The following RBFOX1 variants were observed in gnomAD, a reference collection of about 807,000 sequenced individuals.
The protein encoded by RBFOX1 is RNA binding fox-1 homolog 1.
A neutral mutation model predicts 57.7 loss-of-function variants in RBFOX1; 8 were observed. The observed-to-expected ratio is 0.14, with a 90% CI of 0.08 to 0.25. The LOEUF (loss-of-function observed/expected upper bound fraction) is 0.25, where lower values mean the gene tolerates loss of function less well. RBFOX1 is among the 10% of genes least tolerant of loss of function. The pLI, the probability that RBFOX1 is intolerant of heterozygous loss-of-function variation, is 1.00. For missense variants in RBFOX1, 611 were observed against 548.5 expected, an observed-to-expected ratio of 1.11 and a Z score of -1.14; for synonymous variants, 326 against 222.4, an observed-to-expected ratio of 1.47 and a Z score of -4.15.
chr16:7,097,273 G>A (rs1184189078), intron 4 of RBFOX1, among the ~76,000 whole-genome samples: 2 of 152,208 alleles, frequency 1.3e-5, no homozygotes, highest in East Asian at 3.9e-4. Flanking sequence ...TGTGTACGTG[G>A]AAATTCCAGG....
At chr16:6,927,009 C>G (rs190199666) in intron 3 of RBFOX1, among the ~76,000 whole-genome samples, 494 of 152,250 alleles carry the variant, frequency 3.2e-3, no homozygotes, top group African/African-American at 0.011. Context: ...GCAATTGCTA[C>G]TCAACCAGCG....
In RBFOX1 at chr16:6,019,604, A is replaced by C; in HGVS notation, c.-515A>C. ...CGCCTCCGGGGCTGAAGAAGGAAGG[A>C]GTGAGCCGAGCCGAGCACCCCACAT... On this transcript the variant is annotated 5_prime_UTR_variant, in exon 1 of 16. Coordinates refer to ENST00000550418, the MANE Select transcript of RBFOX1 (RefSeq NM_018723.4). This position sits in a 1 kb window ranked among gnomAD's most constrained non-coding sequence, Gnocchi z 4.2. 8.2e-7 allele frequency: 1 copy of C among 1,222,996 alleles called. No individual in the cohort carries two copies. Among genetic ancestry groups the C allele is most frequent in the Non-Finnish European group, 1.0e-6 (1 of 980,918 alleles). The allele number at this position is 1,222,996 out of a possible 1,614,324, so 75.8% of individuals were successfully genotyped here. A position where few individuals can be genotyped will look rare whatever the true frequency, so the allele number is the denominator to read the frequency against.
chr16:6,997,870 G>C (rs1047080861), intron 3 of RBFOX1, among the ~76,000 whole-genome samples: 1 of 152,026 alleles, frequency 6.6e-6, no homozygotes, highest in African/African-American at 2.4e-5. Flanking sequence ...CAGAACACCA[G>C]TTTAATTGTC....
At position 6,534,121 on chromosome 16, in the gene RBFOX1, A is replaced by G. The variant is rs538860627; in HGVS notation, c.-63-120482A>G. On this transcript the variant is annotated intron_variant, in intron 2 of 15. Transcript: ENST00000550418. ...GATGCTCATTGCATGTTTATTTGCA[A>G]TGGCAAAAGAAGAAAAAAGGGAAAT... is the stretch of plus-strand genomic sequence containing the variant. Among the ~76,000 whole-genome samples, 5 of 152,328 alleles carry G rather than the reference A, an allele frequency of 3.3e-5. No homozygotes were observed. The East Asian group carries it at 7.7e-4, about 23-fold the overall frequency.
intron 4 of RBFOX1, among the ~76,000 whole-genome samples, chr16:7,091,004 G>C (rs1273933967): frequency 6.6e-6 from 1 of 152,146 alleles, no homozygotes; most frequent in East Asian, 1.9e-4. Context: ...TAGGCAATTG[G>C]CACCTACTCA....
intron 2 of RBFOX1, among the ~76,000 whole-genome samples, chr16:6,452,028 A>T (rs1349502000): frequency 5.2e-5 from 7 of 135,806 alleles, no homozygotes; most frequent in East Asian, 2.3e-4. Flanking sequence ...GACTCCATCC[A>T]TGGCTCCTTC....
At chr16:7,585,434 C>G (rs2094054786) in intron 6 of RBFOX1, among the ~76,000 whole-genome samples, 1 of 152,164 alleles carries the variant, frequency 6.6e-6, no homozygotes, top group Non-Finnish European at 1.5e-5. Context: ...TGCATGCAAG[C>G]AATGTGACCC....
chr16:7,436,706 TC>T (rs1440594461), intron 4 of RBFOX1, among the ~76,000 whole-genome samples: 1 of 152,168 alleles, frequency 6.6e-6, no homozygotes, highest in African/African-American at 2.4e-5. Context: ...GTGTCTGACC[TC>T]CCATCTCAGT....
chr16:6,037,740 G>C (rs1006662867), intron 1 of RBFOX1: 1 of 151,974 alleles, frequency 6.6e-6, no homozygotes, highest in Non-Finnish European at 1.5e-5. Context: ...GACTACAGGT[G>C]CCCGCCACCA....
At chr16:6,656,187 C>T (rs957821495) in intron 3 of RBFOX1, among the ~76,000 whole-genome samples, 1 of 152,286 alleles carries the variant, frequency 6.6e-6, no homozygotes, top group East Asian at 1.9e-4. Flanking sequence ...TCTGCCCAGC[C>T]GAATCATTCC....
intron 12 of RBFOX1, among the ~76,000 whole-genome samples, chr16:7,662,055 G>A (rs1454008073): frequency 6.6e-6 from 1 of 152,140 alleles, no homozygotes; most frequent in Non-Finnish European, 1.5e-5. Context: ...TTCTTGGCCA[G>A]AGCTCAGCCT....
intron 1 of RBFOX1, among the ~76,000 whole-genome samples, chr16:6,133,618 C>T (rs921553104): frequency 1.3e-5 from 2 of 152,210 alleles, no homozygotes; most frequent in Non-Finnish European, 2.9e-5. Context: ...TCACTCCCTA[C>T]CTAAAACCCT....
At chr16:5,622,779 A>G (rs574697023) in intron 3 of RBFOX1, among the ~76,000 whole-genome samples, 19 of 152,304 alleles carry the variant, frequency 1.2e-4, no homozygotes, top group African/African-American at 4.3e-4. Flanking sequence ...TTGGCCCTCC[A>G]TATCTGGGGG....
chr16:6,815,587 A>C (rs777628466), intron 3 of RBFOX1, among the ~76,000 whole-genome samples: 3 of 152,208 alleles, frequency 2.0e-5, no homozygotes, highest in African/African-American at 4.8e-5. Flanking sequence ...TCCTCCCGTC[A>C]TTAATCTCAT....
intron 3 of RBFOX1, among the ~76,000 whole-genome samples, chr16:6,701,986 G>C (rs766416480): frequency 1.3e-5 from 2 of 152,084 alleles, no homozygotes; most frequent in Admixed American, 1.3e-4. Context: ...AAAACTACCT[G>C]TTGGGTACTA....
In RBFOX1 at chr16:7,051,371, A is replaced by G. The variant is rs546339414; in HGVS notation, c.-15-686A>G. ...GATAATAAATTATATGGCCACTCCAAAGAAGCGTCCTTGGACATTAAGTAA... is the reference window on the plus strand; with the variant it reads ...GATAATAAATTATATGGCCACTCCAGAGAAGCGTCCTTGGACATTAAGTAA... On this transcript the variant is annotated intron_variant, in intron 3 of 15. Coordinates refer to ENST00000550418, the MANE Select transcript of RBFOX1 (RefSeq NM_018723.4). Among the ~76,000 whole-genome samples, 454 of 152,342 alleles carry G rather than the reference A, an allele frequency of 3.0e-3. 3 individuals are homozygous for G. The highest frequency in any genetic ancestry group is 5.4e-3 in the Non-Finnish European group (365 of 68,034).
rs547186628 is a variant in RBFOX1, at chr16:7,178,081, G to A, written c.27+125983G>A. Among the ~76,000 whole-genome samples, 7 of 152,290 alleles carry A rather than the reference G, an allele frequency of 4.6e-5. No individual in the cohort carries two copies. In the East Asian group the frequency reaches 1.4e-3, roughly 29 times the overall value. ...GATGCAGAAAGTCAGTATGTGTCAG[G>A]ATATGCTGCTGTTACAAATAACCCC... On this transcript the variant is annotated intron_variant, in intron 4 of 15. Coordinates refer to ENST00000550418, the MANE Select transcript of RBFOX1 (RefSeq NM_018723.4).
At chr16:6,510,759 TA>T (rs145941921) in intron 2 of RBFOX1, among the ~76,000 whole-genome samples, 8 of 151,292 alleles carry the variant, frequency 5.3e-5, no homozygotes, top group Non-Finnish European at 8.8e-5. Flanking sequence ...CCCAAACTAT[TA>T]AAAAAAAGAC....
intron 4 of RBFOX1, among the ~76,000 whole-genome samples, chr16:7,476,785 C>T (rs1166092913): frequency 1.3e-5 from 2 of 152,176 alleles, no homozygotes; most frequent in Admixed American, 6.5e-5. Context: ...GATTTGGTCT[C>T]CCCACAAAAT....
Sources: allele counts gnomAD v4.1 joint callset (sites outside exome capture counted in the v4.1 genomes callset), GRCh38; gene constraint gnomAD v4.1.1; non-coding constraint Gnocchi (gnomAD v3.1); transcripts MANE v1.5; gene names NCBI Gene and HGNC (gene_info 2026-07-23, HGNC 2026-07-21).